The following CFAP263 variants were observed in gnomAD, a reference collection of about 807,000 sequenced individuals.
The protein encoded by CFAP263 is cilia- and flagella-associated protein 263.
the CFAP263 span, among the ~76,000 whole-genome samples, chr16:58,254,782 A>G: frequency 1.3e-5 from 2 of 151,424 alleles, no homozygotes; most frequent in Admixed American, 6.6e-5. Context: ...TTTTTTTTGT[A>G]TTTTTAGTAG....
At chr16:58,258,982 A>T in the CFAP263 span, among the ~76,000 whole-genome samples, 2 of 143,970 alleles carry the variant, frequency 1.4e-5, no homozygotes, top group Non-Finnish European at 1.5e-5. Context: ...CGTCTCAGAA[A>T]AAATAAATAA....
the CFAP263 span, chr16:58,254,076 C>G: frequency 1.2e-6 from 2 of 1,614,188 alleles, no homozygotes; most frequent in Non-Finnish European, 1.7e-6. Context: ...AAAACTTGAG[C>G]TGGTACAAAA....
the CFAP263 span, chr16:58,259,926 T>C: frequency 1.2e-6 from 2 of 1,600,120 alleles, no homozygotes; most frequent in African/African-American, 1.3e-5. Context: ...GCTTTTACAA[T>C]TGAGGCAGGT....
At chr16:58,282,110 G>A in the CFAP263 span, 2 of 151,130 alleles carry the variant, frequency 1.3e-5, no homozygotes, top group South Asian at 4.2e-4. Context: ...CTGGGTTCAA[G>A]CGATTCTCCT....
chr16:58,279,924 C>T, the CFAP263 span: 2 of 673,574 alleles, frequency 3.0e-6, no homozygotes, highest in Non-Finnish European at 5.0e-6. Flanking sequence ...TGGGCCACAT[C>T]TGCCCATGGG....
the CFAP263 span, chr16:58,279,667 TTTTTTTC>T: frequency 1.0e-5 from 15 of 1,496,244 alleles, no homozygotes; most frequent in Non-Finnish European, 1.3e-5. Context: ...ATTTTTTTTC[TTTTTTTC>T]TTTTTTTTTT....
the CFAP263 span, among the ~76,000 whole-genome samples, chr16:58,251,646 C>T: frequency 6.6e-6 from 1 of 152,166 alleles, no homozygotes. Context: ...CCTGCCTCGG[C>T]TTCCCAAAGT....
At chr16:58,259,708 G>T in the CFAP263 span, 1 of 536,828 alleles carries the variant, frequency 1.9e-6, no homozygotes, top group Non-Finnish European at 3.3e-6. Context: ...GCCCCAGCTT[G>T]AGTAGAAGTA....
the CFAP263 span, chr16:58,280,345 T>C: frequency 9.9e-6 from 16 of 1,614,168 alleles, 1 homozygote; most frequent in Admixed American, 2.7e-4. Flanking sequence ...GTAATAGTCA[T>C]AGTATAAGGG....
At chr16:58,261,946 A>T in the CFAP263 span, among the ~76,000 whole-genome samples, 1 of 152,132 alleles carries the variant, frequency 6.6e-6, no homozygotes, top group Admixed American at 6.5e-5. Context: ...TTCATGTTAA[A>T]AACAACTTTT....
the CFAP263 span, chr16:58,278,656 CA>C: frequency 6.2e-7 from 1 of 1,612,170 alleles, no homozygotes; most frequent in Non-Finnish European, 8.5e-7. Context: ...CGGGGAGCCC[CA>C]AGATGGGCAG....
the CFAP263 span, chr16:58,279,696 C>T: frequency 6.3e-7 from 1 of 1,599,910 alleles, no homozygotes; most frequent in Non-Finnish European, 8.5e-7. Flanking sequence ...TGCAGATGTC[C>T]TTAAAAGGCC....
chr16:58,272,427 T>C, the CFAP263 span, among the ~76,000 whole-genome samples: 1 of 152,218 alleles, frequency 6.6e-6, no homozygotes, highest in East Asian at 1.9e-4. Flanking sequence ...GTGTGAACAT[T>C]ATAGAGTGTA....
chr16:58,273,827 T>A, the CFAP263 span, among the ~76,000 whole-genome samples: 1 of 152,190 alleles, frequency 6.6e-6, no homozygotes, highest in Non-Finnish European at 1.5e-5. Flanking sequence ...CTTGTCATTG[T>A]TTTTGCTTGT....
At chr16:58,253,480 G>A in the CFAP263 span, among the ~76,000 whole-genome samples, 1 of 152,180 alleles carries the variant, frequency 6.6e-6, no homozygotes, top group Non-Finnish European at 1.5e-5. Flanking sequence ...GCCTAGCACA[G>A]GCCCTTGTCT....
the CFAP263 span, among the ~76,000 whole-genome samples, chr16:58,255,925 T>C: frequency 6.6e-6 from 1 of 152,166 alleles, no homozygotes; most frequent in South Asian, 2.1e-4. Context: ...CAGAACAATA[T>C]AGTAGTGTCT....
At chr16:58,279,644 C>T in the CFAP263 span, 2 of 1,459,648 alleles carry the variant, frequency 1.4e-6, no homozygotes, top group East Asian at 2.3e-5. Context: ...CTTTCTCCCC[C>T]ATCTCCTTTA....
the CFAP263 span, among the ~76,000 whole-genome samples, chr16:58,278,901 CTT>C: frequency 2.0e-5 from 3 of 152,030 alleles, no homozygotes; most frequent in Non-Finnish European, 4.4e-5. Context: ...TGCTTGTTAT[CTT>C]AATGAATTCT....
the CFAP263 span, chr16:58,278,562 C>T: frequency 9.9e-6 from 16 of 1,614,074 alleles, no homozygotes; most frequent in African/African-American, 1.1e-4. Context: ...TGATGACTTA[C>T]GTCCGGGAGA....
Sources: allele counts gnomAD v4.1 joint callset (sites outside exome capture counted in the v4.1 genomes callset), GRCh38; gene constraint gnomAD v4.1.1; transcripts MANE v1.5; gene names NCBI Gene and HGNC (gene_info 2026-07-23, HGNC 2026-07-21).